Variants in RMDN1 observed in about 807,000 individuals in gnomAD.
RMDN1 encodes the protein regulator of microtubule dynamics 1.
In RMDN1, 48 loss-of-function variants were observed where a neutral mutation model predicts 48.9. The observed-to-expected ratio is 0.98, with a 90% CI of 0.78 to 1.25. The LOEUF (loss-of-function observed/expected upper bound fraction) is 1.25. Ranked by LOEUF, RMDN1 falls within the 50% of genes most tolerant of loss-of-function variation. RMDN1 has a pLI of 0.00. For missense variants in RMDN1, 418 were observed against 373.4 expected (o/e 1.12, Z -0.98); for synonymous variants, 148 against 132.6 (o/e 1.12, Z -0.80).
At chr8:86,474,675 TGTCA>T (rs762637251) in intron 9 of RMDN1, 141 bp downstream of exon 9, 28 of 848,244 alleles carry the variant, frequency 3.3e-5, no homozygotes, top group Non-Finnish European at 5.0e-5. Flanking sequence ...GAAATATAAA[TGTCA>T]ATCAATTTAC....
At chr8:86,495,965 C>T (rs760785593) in intron 2 of RMDN1, among the ~76,000 whole-genome samples, 17 of 152,104 alleles carry the variant, frequency 1.1e-4, no homozygotes, top group Non-Finnish European at 2.4e-4. Context: ...TAGCAGAAGC[C>T]TTATAAGCCA....
At chr8:86,497,517 A>G (rs1817555676) in intron 2 of RMDN1, among the ~76,000 whole-genome samples, 1 of 151,794 alleles carries the variant, frequency 6.6e-6, no homozygotes, top group Non-Finnish European at 1.5e-5. Flanking sequence ...CCTGACCAAC[A>G]TGGTGAAACC....
chr8:86,513,219 A>G (rs1180409301), upstream of RMDN1, among the ~76,000 whole-genome samples: 1 of 152,126 alleles, frequency 6.6e-6, no homozygotes, highest in Non-Finnish European at 1.5e-5. Context: ...TACTAAAAAT[A>G]CAAAATTAGC....
intron 2 of RMDN1, among the ~76,000 whole-genome samples, chr8:86,491,398 T>C (rs1816477742): frequency 6.6e-6 from 1 of 152,150 alleles, no homozygotes; most frequent in Admixed American, 6.5e-5. Flanking sequence ...AATCAGTGTA[T>C]GATTTTTTCT....
At chr8:86,470,803 A>G (rs972054030), downstream of RMDN1, among the ~76,000 whole-genome samples, 2 of 152,186 alleles carry the variant, frequency 1.3e-5, no homozygotes, top group Admixed American at 6.5e-5. Flanking sequence ...TTCCATTTGT[A>G]TAACATTGTT....
Position 86,504,421 on chromosome 8 carries a change from C to T in RMDN1, c.247+2574G>A, listed in dbSNP as rs898043567. The T allele has an allele frequency of 2.6e-5, 41 of 1,558,424 alleles. 1 individual carries two copies. The South Asian group carries it at 3.3e-4, about 13-fold the overall frequency. On this transcript the variant is annotated intron_variant, in intron 2 of 9. Transcript: ENST00000406452. ...CATTTCCATTGTGCTCCAGCTCTCT[C>T]GACAGCTCTCTGGAATCAATGTTGT...
At chr8:86,484,336 G>A (rs73688859) in intron 5 of RMDN1, among the ~76,000 whole-genome samples, 23,393 of 152,168 alleles carry the variant, frequency 0.15, 1,927 homozygotes, top group Non-Finnish European at 0.19. Flanking sequence ...TGAGGGCCCA[G>A]GTGAATGCAG....
intron 2 of RMDN1, among the ~76,000 whole-genome samples, chr8:86,498,270 AC>A (rs1233444000): frequency 6.6e-6 from 1 of 151,346 alleles, no homozygotes; most frequent in Non-Finnish European, 1.5e-5. Flanking sequence ...AAAAAAAAAA[AC>A]CTACCAACCA....
intron 3 of RMDN1, among the ~76,000 whole-genome samples, chr8:86,487,107 G>GT (rs984376360): frequency 2.0e-5 from 3 of 152,274 alleles, no homozygotes; most frequent in Admixed American, 6.5e-5. Context: ...ACACAAAATT[G>GT]TTTTTGACAA....
intron 2 of RMDN1, among the ~76,000 whole-genome samples, chr8:86,497,031 T>A (rs1338921413): frequency 3.9e-5 from 6 of 152,228 alleles, no homozygotes; most frequent in Non-Finnish European, 5.9e-5. Context: ...AATTTGCTCC[T>A]GCATGACTTC....
chr8:86,470,173 C>A, downstream of RMDN1: 1 of 1,288,596 alleles, frequency 7.8e-7, no homozygotes, highest in Non-Finnish European at 1.0e-6. Flanking sequence ...GAGATATAGC[C>A]TATGTATGTA....
At chr8:86,485,505 A>C (rs1237443765) in intron 4 of RMDN1, among the ~76,000 whole-genome samples, 1 of 152,188 alleles carries the variant, frequency 6.6e-6, no homozygotes, top group Non-Finnish European at 1.5e-5. Context: ...GAAAGTGGTG[A>C]ATTTTCCAAG....
intron 5 of RMDN1, 116 bp from the exon 6 acceptor site, chr8:86,480,448 C>G: frequency 1.9e-6 from 1 of 523,882 alleles, no homozygotes; most frequent in South Asian, 3.4e-5. Context: ...TGTTTCAGTT[C>G]TCCCATTATA....
chr8:86,474,378 G>GT lies in RMDN1; in HGVS notation c.895-21dup, dbSNP rs1563577307. 3 of 1,567,390 alleles carry GT rather than the reference G, an allele frequency of 1.9e-6. No individual in the cohort carries two copies. In the Admixed American group the frequency reaches 5.0e-5, roughly 26 times the overall value. On this transcript the variant is annotated intron_variant, in intron 9 of 9. Coordinates refer to ENST00000406452, the MANE Select transcript of RMDN1 (RefSeq NM_016033.3). ...CTGTATCTAAAATGGAAAAATACATGTTATAAGTAAACAGGAGAGCTAAGA... is the reference window on the plus strand; with the variant it reads ...CTGTATCTAAAATGGAAAAATACATGTTTATAAGTAAACAGGAGAGCTAAGA...
intron 2 of RMDN1, chr8:86,494,689 T>C (rs1399031178): frequency 4.6e-6 from 1 of 215,832 alleles, no homozygotes; most frequent in African/African-American, 2.3e-5. Context: ...AAAATGTTAT[T>C]TTTAACTTAA....
At chr8:86,474,599 T>C in intron 9 of RMDN1, 2 of 717,074 alleles carry the variant, frequency 2.8e-6, no homozygotes, top group Non-Finnish European at 5.0e-6. Context: ...ACAGGAATAA[T>C]TCTGCATTGT....
chr8:86,472,317 A>C (rs778225993), downstream of RMDN1: 19 of 646,550 alleles, frequency 2.9e-5, no homozygotes, highest in Non-Finnish European at 5.0e-5. Flanking sequence ...AAAATTCCAC[A>C]TCTGACCTCA....
chr8:86,494,742 A>C (rs951577124), intron 2 of RMDN1: 2 of 235,004 alleles, frequency 8.5e-6, no homozygotes, highest in Non-Finnish European at 1.7e-5. Context: ...GTAATTCCAG[A>C]CTTTGGGGTG....
intron 2 of RMDN1, 75 bp from the exon 3 acceptor site, chr8:86,488,714 C>A (rs1815932573): frequency 2.1e-6 from 2 of 959,732 alleles, no homozygotes; most frequent in Admixed American, 2.4e-5. Flanking sequence ...TTCAAAGAAA[C>A]TTAAACACTT....
Sources: gnomAD v4.1 joint callset for allele counts (sites outside exome capture counted in the v4.1 genomes callset) on GRCh38, gnomAD v4.1.1 for gene constraint, MANE v1.5 for transcripts, NCBI Gene and HGNC (gene_info 2026-07-23, HGNC 2026-07-21) for gene names.